The following FBXL18 variants were observed in gnomAD, a reference collection of about 807,000 sequenced individuals.
FBXL18 encodes F-box/LRR-repeat protein 18.
FBXL18 carries 36 observed loss-of-function variants against 46.0 expected under a neutral mutation model. The ratio of observed to expected loss-of-function variants is 0.78; its 90% confidence interval spans 0.60 to 1.03. The LOEUF (loss-of-function observed/expected upper bound fraction) is 1.03, where lower values mean the gene tolerates loss of function less well. Ranked by LOEUF, FBXL18 falls within the 50% of genes least tolerant of loss-of-function variation. The pLI, the probability that FBXL18 is intolerant of heterozygous loss-of-function variation, is 0.00. For synonymous variants in FBXL18, 557 were observed against 465.3 expected, an observed-to-expected ratio of 1.20 and a Z score of -2.54; for missense variants, 977 against 1,004.1, an observed-to-expected ratio of 0.97 and a Z score of 0.36.
rs1418338614 is a variant in FBXL18, at chr7:5,500,955, C to A, written c.1314G>T (p.Gln438His). The A allele has an allele frequency of 2.0e-6, 3 of 1,538,330 alleles. No individual in the cohort carries two copies. The highest frequency in any genetic ancestry group is 2.6e-6 in the Non-Finnish European group (3 of 1,147,248). The change falls in exon 3 of 5, where the codon CAG (glutamine) becomes CAT (histidine). Residue 438 changes from glutamine (Q) to histidine (H), a missense_variant. Gln to His is a conservative substitution (Grantham distance 24). Transcript: ENST00000382368. ...CGCGCGGCACTGCGTGCATGGCCGG[C>A]TGGGCGGGCGCGCGGTCGGCGCGCG... ...SAPRADRAPA[Q>H]PAMHAVPRGF...
At chr7:5,471,339 C>T (rs563393322), downstream of FBXL18, among the ~76,000 whole-genome samples, 99 of 152,280 alleles carry the variant, frequency 6.5e-4, no homozygotes, top group African/African-American at 2.2e-3. Flanking sequence ...TGCAGTGGCG[C>T]GATCTCGGCT....
chr7:5,465,556 C>G (rs1053985552), intron 4 of FBXL18, among the ~76,000 whole-genome samples: 9 of 152,042 alleles, frequency 5.9e-5, no homozygotes, highest in African/African-American at 1.9e-4. Context: ...CTCACGGCAG[C>G]TTTGAACTCC....
chr7:5,510,686 C>CAAAA (rs35968318), intron 1 of FBXL18, among the ~76,000 whole-genome samples: 1 of 96,726 alleles, frequency 1.0e-5, no homozygotes, highest in Non-Finnish European at 2.3e-5. Flanking sequence ...ATCCTGTCTC[C>CAAAA]AAAAAAAAAA....
intron 3 of FBXL18, among the ~76,000 whole-genome samples, chr7:5,494,892 C>T (rs906818012): frequency 2.7e-5 from 4 of 149,474 alleles, no homozygotes; most frequent in Non-Finnish European, 5.9e-5. Flanking sequence ...CTTTTTTCCA[C>T]GAGATAACCA....
At chr7:5,492,816 G>A (rs181708844) in intron 3 of FBXL18, among the ~76,000 whole-genome samples, 28 of 152,226 alleles carry the variant, frequency 1.8e-4, no homozygotes, top group Non-Finnish European at 3.2e-4. Context: ...GCAGGCGCCC[G>A]AGTTCCTCCT....
Position 5,455,046 on chromosome 7 carries a change from T to G in FBXL18, c.2001-7203A>C, listed in dbSNP as rs6964614. ...ATCCCAGTCACACTGGCACTCCGAG[T>G]GCCACCTTCCACGCCGTCACTTTAG... is the stretch of plus-strand genomic sequence containing the variant. On this transcript the variant is annotated intron_variant and NMD_transcript_variant, in intron 4 of 6. Coordinates refer to the FBXL18 transcript ENST00000415009. The surrounding 1 kb of genome is among the most constrained non-coding windows in gnomAD (Gnocchi z 4.6). Among the ~76,000 whole-genome samples the G allele has an allele frequency of 0.89, 135,168 of 152,198 alleles. 60,199 individuals are homozygous for G. Among genetic ancestry groups the G allele is most frequent in the East Asian group, 0.95 (4,937 of 5,172 alleles).
chr7:5,506,243 CTCTTTTTTTTT>C (rs999215774), intron 1 of FBXL18, among the ~76,000 whole-genome samples: 6 of 136,710 alleles, frequency 4.4e-5, no homozygotes, highest in African/African-American at 1.6e-4. Context: ...CATGCCCGGC[CTCTTTTTTTTT>C]TCTTTTTTTT....
In FBXL18 at chr7:5,507,078, GGA is replaced by G. The variant is rs1301673016; in HGVS notation, c.19-1450_19-1449del. ...CTGATCTCTGTAAAGACCACGCCGA[GGA>G]GAGAGTGCCCGGAATCATCTCCACT... On this transcript the variant is annotated intron_variant, in intron 1 of 4. Transcript: ENST00000382368. Among the ~76,000 whole-genome samples the G allele has an allele frequency of 2.0e-5, 3 of 152,120 alleles. No individual in the cohort carries two copies. In the East Asian group the frequency reaches 5.8e-4, roughly 29 times the overall value.
intron 3 of FBXL18, among the ~76,000 whole-genome samples, chr7:5,497,043 A>C (rs1028885570): frequency 1.3e-5 from 2 of 150,530 alleles, no homozygotes; most frequent in Non-Finnish European, 3.0e-5. Context: ...AAAAAAAAAA[A>C]AAAAAAAACT....
intron 1 of FBXL18, among the ~76,000 whole-genome samples, chr7:5,505,963 C>T (rs905343583): frequency 6.7e-6 from 1 of 150,046 alleles, no homozygotes; most frequent in African/African-American, 2.5e-5. Context: ...CTCCCAGGCT[C>T]AAGAGATTCT....
chr7:5,500,052 G>A (rs1236654693), intron 3 of FBXL18, among the ~76,000 whole-genome samples: 10 of 150,652 alleles, frequency 6.6e-5, no homozygotes, highest in African/African-American at 1.2e-4. Context: ...ATGACAGAGC[G>A]AGACCCTGTC....
At chr7:5,474,917 C>A (rs1347980258), downstream of FBXL18, among the ~76,000 whole-genome samples, 1 of 148,574 alleles carries the variant, frequency 6.7e-6, no homozygotes, top group Non-Finnish European at 1.5e-5. Context: ...ACCGTGTTCG[C>A]CAGGGTGGTC....
intron 3 of FBXL18, among the ~76,000 whole-genome samples, chr7:5,497,030 C>CAAAA (rs34719109): frequency 1.4e-5 from 1 of 69,446 alleles, no homozygotes; most frequent in African/African-American, 6.1e-5. Context: ...GACTCTGTCT[C>CAAAA]AAAAAAAAAA....
intron 3 of FBXL18, among the ~76,000 whole-genome samples, chr7:5,492,419 A>T (rs913240059): frequency 1.3e-5 from 2 of 150,852 alleles, no homozygotes; most frequent in Non-Finnish European, 2.9e-5. Context: ...GGGAGCAGAG[A>T]GGCTGGAGGG....
At chr7:5,509,192 C>CCA (rs1784467342) in intron 1 of FBXL18, among the ~76,000 whole-genome samples, 1 of 103,340 alleles carries the variant, frequency 9.7e-6, no homozygotes, top group African/African-American at 4.0e-5. Flanking sequence ...GACTCTGTCT[C>CCA]AAAAAAAAAA....
At chr7:5,454,816 C>T (rs1444467064) in intron 4 of FBXL18, among the ~76,000 whole-genome samples, 1 of 152,202 alleles carries the variant, frequency 6.6e-6, no homozygotes, top group Non-Finnish European at 1.5e-5. Flanking sequence ...AAGGCGTCCC[C>T]AGGGCATAAG....
intron 2 of FBXL18, among the ~76,000 whole-genome samples, chr7:5,504,902 C>G (rs1256429592): frequency 3.7e-5 from 3 of 80,454 alleles, no homozygotes; most frequent in Non-Finnish European, 6.5e-5. Flanking sequence ...GGCAAAAGAA[C>G]GAGACTCCAT....
intron 2 of FBXL18, among the ~76,000 whole-genome samples, chr7:5,503,695 A>G (rs190937848): frequency 1.3e-5 from 2 of 152,258 alleles, no homozygotes; most frequent in Admixed American, 1.3e-4. Context: ...CAGGCCAGGC[A>G]CAGTGGCTCA....
At position 5,501,931 on chromosome 7, in the gene FBXL18, T is replaced by G; in HGVS notation, c.338A>C (p.Glu113Ala). ...CAGGCTGCGGCAGCGGGCCACGTGTTCCACGGTGGAGCCAGGCAGCCAGTA... is the reference window on the plus strand; with the variant it reads ...CAGGCTGCGGCAGCGGGCCACGTGTGCCACGGTGGAGCCAGGCAGCCAGTA... Reference protein sequence around the residue: ...GCYWLPGSTVEHVARCRSLVK... With the variant: ...GCYWLPGSTVAHVARCRSLVK... Residue 113 changes from glutamate (E) to alanine (A), a missense_variant, in exon 3 of 5, where the codon GAA becomes GCA. By Grantham distance (107) the Glu-to-Ala change is moderately radical. Coordinates refer to ENST00000382368, the MANE Select transcript of FBXL18 (RefSeq NM_024963.6). The G allele has an allele frequency of 6.2e-7, 1 of 1,604,418 alleles. No individual in the cohort carries two copies. The highest frequency in any genetic ancestry group is 8.5e-7 in the Non-Finnish European group (1 of 1,176,716).
Sources: allele counts gnomAD v4.1 joint callset (sites outside exome capture counted in the v4.1 genomes callset), GRCh38; gene constraint gnomAD v4.1.1; non-coding constraint Gnocchi (gnomAD v3.1); transcripts MANE v1.5; gene names NCBI Gene and HGNC (gene_info 2026-07-23, HGNC 2026-07-21).